The following RFX4 variants were observed in gnomAD, a reference collection of about 807,000 sequenced individuals.
RFX4 encodes the protein regulatory factor X4, also known as transcription factor RFX4.
RFX4 carries 10 observed loss-of-function variants against 95.0 expected under a neutral mutation model. That is an observed-to-expected ratio of 0.11 (90% CI 0.06 to 0.18). RFX4 has a LOEUF of 0.18. Ranked by LOEUF, RFX4 falls within the 10% of genes least tolerant of loss-of-function variation. RFX4 has a pLI of 1.00. For missense variants in RFX4, 640 were observed against 922.0 expected (o/e 0.69, Z 3.96); for synonymous variants, 321 against 340.7 (o/e 0.94, Z 0.64).
intron 15 of RFX4, among the ~76,000 whole-genome samples, chr12:106,735,228 T>C (rs914919339): frequency 6.6e-6 from 1 of 152,136 alleles, no homozygotes; most frequent in African/African-American, 2.4e-5. Flanking sequence ...AAGACTGAGC[T>C]GAGGAGTTCT....
chr12:106,706,987 C>A (rs945913710), intron 8 of RFX4, among the ~76,000 whole-genome samples: 1 of 152,050 alleles, frequency 6.6e-6, no homozygotes, highest in Non-Finnish European at 1.5e-5. Flanking sequence ...TTAAACCTTG[C>A]CAGTGAGAAA....
Position 106,732,388 on chromosome 12 carries a change from T to C in RFX4, c.1471+139T>C, listed in dbSNP as rs189297049. On this transcript the variant is annotated intron_variant, in intron 14 of 17. Transcript: ENST00000392842. ...AGGTTAAGTGGTATCAAACCAATCA[T>C]GTCTTTTTCCTCTTTAAAGTGGGCA... is the stretch of plus-strand genomic sequence containing the variant. 7.3e-5 allele frequency: 92 copies of C among 1,261,742 alleles called. No individual in the cohort carries two copies. The African/African-American group carries it at 1.1e-3, about 16-fold the overall frequency. 78.2% of individuals were successfully genotyped at this position (1,261,742 alleles called of 1,614,324 possible).
intron 3 of RFX4, among the ~76,000 whole-genome samples, chr12:106,640,778 C>CTT (rs34232717): frequency 0.11 from 13,856 of 123,504 alleles, 981 homozygotes; most frequent in South Asian, 0.14. Flanking sequence ...AATTGACAGA[C>CTT]TTTTTTTTTT....
intron 2 of RFX4, among the ~76,000 whole-genome samples, chr12:106,637,038 G>C (rs575095001): frequency 1.3e-5 from 2 of 152,226 alleles, no homozygotes; most frequent in South Asian, 4.2e-4. Context: ...CAGAAGCCCC[G>C]AGAGAGAGTG....
chr12:106,708,038 G>A (rs1039483294), intron 8 of RFX4, among the ~76,000 whole-genome samples: 1 of 152,164 alleles, frequency 6.6e-6, no homozygotes, highest in Non-Finnish European at 1.5e-5. Flanking sequence ...GGAGGCTGAG[G>A]CACGAGAGTC....
chr12:106,715,406 C>A lies in RFX4; in HGVS notation c.1000C>A (p.Arg334=). Residue 334 remains arginine, a synonymous_variant, in exon 11 of 18, where the codon CGA becomes AGA. Coordinates refer to ENST00000392842, the MANE Select transcript of RFX4 (RefSeq NM_213594.3). ...TSLNHLCQAS[R]TVIHSADITF... is the part of the protein sequence containing the mutation. ...TGATTGGATTGGATTATAGGCATCT[C>A]GAACAGTGATCCACAGTGCAGACAT... The A allele has an allele frequency of 6.2e-7, 1 of 1,613,978 alleles. No homozygotes were observed. The highest frequency in any genetic ancestry group is 8.5e-7 in the Non-Finnish European group (1 of 1,179,952).
At chr12:106,663,122 G>T (rs574714281) in intron 4 of RFX4, among the ~76,000 whole-genome samples, 1 of 152,034 alleles carries the variant, frequency 6.6e-6, no homozygotes, top group Non-Finnish European at 1.5e-5. Flanking sequence ...GATTGAGATT[G>T]TATTGAATCT....
chr12:106,688,719 A>T (rs2041717061), intron 6 of RFX4, among the ~76,000 whole-genome samples: 2 of 152,108 alleles, frequency 1.3e-5, no homozygotes, highest in African/African-American at 4.8e-5. Context: ...CAGGTAATTG[A>T]AAAAAACATA....
chr12:106,625,986 C>A (rs1373977635), intron 2 of RFX4, among the ~76,000 whole-genome samples: 2 of 152,114 alleles, frequency 1.3e-5, no homozygotes, highest in Non-Finnish European at 2.9e-5. Context: ...ACTGTCTTTT[C>A]CATGGATCCC....
At chr12:106,615,148 AC>A (rs1242314494) in intron 2 of RFX4, among the ~76,000 whole-genome samples, 2 of 152,134 alleles carry the variant, frequency 1.3e-5, no homozygotes, top group African/African-American at 4.8e-5. Context: ...TTCATCTGGA[AC>A]TTTTGTGTAT....
At chr12:106,641,951 C>CTATCTATATCTATATCTATATCTA (rs1200972708) in intron 3 of RFX4, among the ~76,000 whole-genome samples, 54 of 144,722 alleles carry the variant, frequency 3.7e-4, no homozygotes, top group African/African-American at 1.4e-3. Flanking sequence ...ATGTCTATAT[C>CTATCTATATCTATATCTATATCTA]TATCTATATC....
chr12:106,597,734 C>A (rs11113051), intron 1 of RFX4, among the ~76,000 whole-genome samples: 12,401 of 151,976 alleles, frequency 0.082, 1,198 homozygotes, highest in African/African-American at 0.23. Flanking sequence ...GTGGCTGAAA[C>A]CTATAATCCC....
Position 106,714,600 on chromosome 12 carries a change from A to G in RFX4, c.994-800A>G, listed in dbSNP as rs138838328. Among the ~76,000 whole-genome samples the G allele has an allele frequency of 2.8e-3, 423 of 152,270 alleles. 1 individual carries two copies. The highest frequency in any genetic ancestry group is 9.3e-3 in the African/African-American group (388 of 41,550). ...TGAAAACATGCAAATAAAGGAAATG[A>G]TCCTAGATACATATTTTTCTTAGCT... On this transcript the variant is annotated intron_variant, in intron 10 of 17. Transcript: ENST00000392842.
intron 1 of RFX4, among the ~76,000 whole-genome samples, chr12:106,608,184 C>A (rs755986937): frequency 6.6e-6 from 1 of 152,020 alleles, no homozygotes; most frequent in Non-Finnish European, 1.5e-5. Context: ...AGCAAAACTC[C>A]GTCTCAAAAA....
At chr12:106,609,624 G>A (rs945957303) in intron 2 of RFX4, among the ~76,000 whole-genome samples, 1 of 152,150 alleles carries the variant, frequency 6.6e-6, no homozygotes, top group South Asian at 2.1e-4. Context: ...CTACTCAATA[G>A]CCCCCTCCTG....
At chr12:106,712,858 C>G (rs945149763) in intron 10 of RFX4, among the ~76,000 whole-genome samples, 14 of 152,172 alleles carry the variant, frequency 9.2e-5, no homozygotes, top group African/African-American at 3.4e-4. Flanking sequence ...AAGAGTGGCT[C>G]TTGGGTCATA....
Position 106,654,225 on chromosome 12 carries a change from T to C in RFX4, c.192-3T>C. 6.2e-7 allele frequency: 1 copy of C among 1,613,924 alleles called. No homozygotes were observed. Among genetic ancestry groups the C allele is most frequent in the Non-Finnish European group, 8.5e-7 (1 of 1,179,894 alleles). Reference sequence around the variant, plus strand: ...TTTGCTCATTGGGCGTTTATTTCCCTAGGCTGGAGGAGAACTATGAGATTG... The same window carrying C: ...TTTGCTCATTGGGCGTTTATTTCCCCAGGCTGGAGGAGAACTATGAGATTG... On this transcript the variant is annotated splice_region_variant and splice_polypyrimidine_tract_variant and intron_variant, in intron 3 of 17. Transcript: ENST00000392842.
chr12:106,658,471 TAG>T (rs1352689845), intron 4 of RFX4, among the ~76,000 whole-genome samples: 1 of 152,172 alleles, frequency 6.6e-6, no homozygotes, highest in Non-Finnish European at 1.5e-5. Context: ...TTAAAAAGTG[TAG>T]TTCAGTCCAA....
chr12:106,634,905 C>G (rs893510681), intron 2 of RFX4, among the ~76,000 whole-genome samples: 1 of 152,222 alleles, frequency 6.6e-6, no homozygotes, highest in Non-Finnish European at 1.5e-5. Flanking sequence ...AATTTGTCCT[C>G]TCTCTCCTCT....
Sources: allele counts gnomAD v4.1 joint callset (sites outside exome capture counted in the v4.1 genomes callset), GRCh38; gene constraint gnomAD v4.1.1; transcripts MANE v1.5; gene names NCBI Gene and HGNC (gene_info 2026-07-23, HGNC 2026-07-21).